PARD3B: variants seen among roughly 807,000 people sequenced by gnomAD.
PARD3B encodes the protein partitioning defective 3 homolog B.
Under a neutral mutation model 130.2 loss-of-function variants are expected in PARD3B, and 103 were observed. That is an observed-to-expected ratio of 0.79 (90% confidence interval 0.67 to 0.93). PARD3B has a LOEUF of 0.93. Among genes scored for constraint, PARD3B ranks in the 40% least tolerant of loss-of-function variants. PARD3B has a pLI of 0.00. For missense variants in PARD3B, 1,609 were observed against 1,499.2 expected (o/e 1.07, Z -1.21); for synonymous variants, 583 against 553.2 (o/e 1.05, Z -0.76).
At chr2:204,826,981 C>G (rs1204883384) in intron 2 of PARD3B, among the ~76,000 whole-genome samples, 5 of 152,160 alleles carry the variant, frequency 3.3e-5, no homozygotes, top group Non-Finnish European at 7.3e-5. Flanking sequence ...GATCATGCCA[C>G]TGCACTTTAG....
chr2:204,741,993 A>G (rs1295442413), intron 2 of PARD3B, among the ~76,000 whole-genome samples: 1 of 152,146 alleles, frequency 6.6e-6, no homozygotes, highest in Non-Finnish European at 1.5e-5. Context: ...CTTACTATGA[A>G]TGCATGTTCT....
chr2:204,776,317 C>G (rs559212012), intron 2 of PARD3B, among the ~76,000 whole-genome samples: 1 of 152,112 alleles, frequency 6.6e-6, no homozygotes, highest in East Asian at 1.9e-4. Flanking sequence ...GATGGGATGA[C>G]AAGCATTAAT....
chr2:204,856,717 T>C (rs2044956499), intron 2 of PARD3B, among the ~76,000 whole-genome samples: 1 of 152,152 alleles, frequency 6.6e-6, no homozygotes, highest in Admixed American at 6.6e-5. Context: ...TTGAATATGT[T>C]GTGAGATAAA....
chr2:205,512,353 T>C (rs1239575697), intron 21 of PARD3B, among the ~76,000 whole-genome samples: 1 of 152,190 alleles, frequency 6.6e-6, no homozygotes, highest in Non-Finnish European at 1.5e-5. Context: ...GAAGAAAGAA[T>C]ATAATGTTGC....
chr2:204,961,506 A>G (rs1476321932), intron 2 of PARD3B, among the ~76,000 whole-genome samples: 3 of 152,184 alleles, frequency 2.0e-5, no homozygotes, highest in African/African-American at 4.8e-5. Flanking sequence ...CATTTTTGAC[A>G]TGTTAGATTA....
intron 4 of PARD3B, among the ~76,000 whole-genome samples, chr2:205,061,454 T>C (rs1295514016): frequency 4.6e-5 from 7 of 152,132 alleles, no homozygotes; most frequent in African/African-American, 2.4e-5. Context: ...AAAGTAATGA[T>C]AATAAAAGTA....
chr2:205,022,426 G>C (rs1696687769), intron 3 of PARD3B, among the ~76,000 whole-genome samples: 1 of 152,150 alleles, frequency 6.6e-6, no homozygotes, highest in African/African-American at 2.4e-5. Context: ...TAATGGGCTA[G>C]AACAAAATAG....
intron 22 of PARD3B, among the ~76,000 whole-genome samples, chr2:205,561,577 T>C (rs914335498): frequency 6.6e-5 from 10 of 152,200 alleles, no homozygotes; most frequent in Non-Finnish European, 5.9e-5. Context: ...CTCCCCGCAG[T>C]CATGCCGGCG....
chr2:204,694,606 G>A (rs2037522198), intron 2 of PARD3B, among the ~76,000 whole-genome samples: 1 of 151,972 alleles, frequency 6.6e-6, no homozygotes, highest in Non-Finnish European at 1.5e-5. Flanking sequence ...TATTTTATTA[G>A]GAGACAGTTT....
At chr2:204,831,798 A>G (rs2043832871) in intron 2 of PARD3B, among the ~76,000 whole-genome samples, 1 of 151,864 alleles carries the variant, frequency 6.6e-6, no homozygotes, top group East Asian at 1.9e-4. Flanking sequence ...TATGAGTTTT[A>G]TGAGAAAAGC....
intron 2 of PARD3B, among the ~76,000 whole-genome samples, chr2:204,752,387 A>G (rs2040499225): frequency 1.3e-5 from 2 of 152,162 alleles, no homozygotes; most frequent in South Asian, 2.1e-4. Flanking sequence ...GTGTTTACCT[A>G]TTGCTGCAGC....
intron 18 of PARD3B, among the ~76,000 whole-genome samples, chr2:205,390,778 G>A (rs2045831049): frequency 6.6e-6 from 1 of 152,120 alleles, no homozygotes; most frequent in African/African-American, 2.4e-5. Context: ...GCATAACAAG[G>A]CAGACACCAT....
chr2:205,414,477 A>G (rs1218357953), intron 19 of PARD3B, among the ~76,000 whole-genome samples: 4 of 152,308 alleles, frequency 2.6e-5, no homozygotes, highest in South Asian at 2.1e-4. Flanking sequence ...AAGAATAACT[A>G]TCTATTAAAA....
At chr2:204,980,341 T>C (rs902890676) in intron 3 of PARD3B, among the ~76,000 whole-genome samples, 2 of 152,168 alleles carry the variant, frequency 1.3e-5, no homozygotes, top group South Asian at 4.1e-4. Flanking sequence ...CATACTGATA[T>C]AAGTGATTGT....
At chr2:204,816,033 T>A (rs2043134799) in intron 2 of PARD3B, among the ~76,000 whole-genome samples, 1 of 151,988 alleles carries the variant, frequency 6.6e-6, no homozygotes, top group Non-Finnish European at 1.5e-5. Context: ...TTTTGTTTGT[T>A]GAATCAAATA....
chr2:205,450,704 G>C (rs2048070681), intron 20 of PARD3B, among the ~76,000 whole-genome samples: 1 of 151,980 alleles, frequency 6.6e-6, no homozygotes, highest in African/African-American at 2.4e-5. Context: ...TCGAACTCCT[G>C]ACCTCAGGTG....
At chr2:205,087,268 G>GT (rs764083191) in intron 4 of PARD3B, among the ~76,000 whole-genome samples, 82 of 152,162 alleles carry the variant, frequency 5.4e-4, no homozygotes, top group African/African-American at 1.9e-3. Flanking sequence ...CAAAACACAG[G>GT]TTTTTTAAGA....
Position 205,021,608 on chromosome 2 carries a change from C to T in PARD3B, c.395-25973C>T, listed in dbSNP as rs1465734888. Reference sequence around the variant, plus strand: ...TCTCTCTTCTCTTCTCTCTCTCTCTCTCTCTCTCTCTCCCTCTCTCTTTCT... The same window carrying T: ...TCTCTCTTCTCTTCTCTCTCTCTCTTTCTCTCTCTCTCCCTCTCTCTTTCT... On this transcript the variant is annotated intron_variant, in intron 3 of 22. Coordinates refer to ENST00000406610, the MANE Select transcript of PARD3B (RefSeq NM_001302769.2). The surrounding 1 kb of genome is among the most constrained non-coding windows in gnomAD (Gnocchi z 4.5). Among the ~76,000 whole-genome samples the T allele has an allele frequency of 7.0e-6, 1 of 143,258 alleles. No homozygotes were observed. Among genetic ancestry groups the T allele is most frequent in the Middle Eastern group, 3.3e-3 (1 of 306 alleles). The allele number at this position is 143,258 out of a possible 152,430, so 94.0% of individuals were successfully genotyped here. A position where few individuals can be genotyped will look rare whatever the true frequency, so the allele number is the denominator to read the frequency against.
At position 204,651,684 on chromosome 2, in the gene PARD3B, G is replaced by A. The variant is rs538528408; in HGVS notation, c.121-34497G>A. 4.9e-4 allele frequency among the ~76,000 whole-genome samples: 75 copies of A among 152,246 alleles called. 1 individual carries two copies. Among genetic ancestry groups the A allele is most frequent in the African/African-American group, 1.6e-3 (68 of 41,540 alleles). ...GCCCCAGTGGGGACTGTGTATGGGG[G>A]CTCCAATCCTACATTTCTTCCCCAC... On this transcript the variant is annotated intron_variant, in intron 1 of 22. Coordinates refer to ENST00000406610, the MANE Select transcript of PARD3B (RefSeq NM_001302769.2).
Sources: gnomAD v4.1 joint callset for allele counts (sites outside exome capture counted in the v4.1 genomes callset) on GRCh38, gnomAD v4.1.1 for gene constraint, Gnocchi (gnomAD v3.1) non-coding constraint, MANE v1.5 for transcripts, NCBI Gene and HGNC (gene_info 2026-07-23, HGNC 2026-07-21) for gene names.